Variants in CAST observed in about 807,000 individuals in gnomAD.
CAST encodes MIR583 host.
In CAST, 76 loss-of-function variants were observed where a neutral mutation model predicts 119.6. The ratio of observed to expected loss-of-function variants is 0.64; its 90% CI spans 0.53 to 0.77. CAST has a LOEUF of 0.77. Ranked by LOEUF, CAST falls within the 30% of genes least tolerant of loss-of-function variation. CAST has a pLI of 0.00. For missense variants in CAST, 953 were observed against 946.5 expected, an observed-to-expected ratio of 1.01 and a Z score of -0.09; for synonymous variants, 319 against 331.6, an observed-to-expected ratio of 0.96 and a Z score of 0.41.
chr5:96,078,438 G>A, the CAST span, among the ~76,000 whole-genome samples: 3 of 151,078 alleles, frequency 2.0e-5, no homozygotes, highest in African/African-American at 4.9e-5. Context: ...TTGTTGCCCA[G>A]CCTGGAGTGC....
At chr5:96,554,586 A>G (rs1308885899) in intron 1 of CAST, among the ~76,000 whole-genome samples, 2 of 152,246 alleles carry the variant, frequency 1.3e-5, no homozygotes, top group East Asian at 3.8e-4. Context: ...GCTTCTGCAC[A>G]GCAAAAGAAA....
the CAST span, among the ~76,000 whole-genome samples, chr5:96,210,711 C>T: frequency 6.6e-6 from 1 of 152,004 alleles, no homozygotes; most frequent in Non-Finnish European, 1.5e-5. Context: ...CCCATATCTA[C>T]AGAAATTCTG....
chr5:96,690,223 AATTT>A (rs1461884587), intron 2 of CAST, among the ~76,000 whole-genome samples: 3 of 151,756 alleles, frequency 2.0e-5, no homozygotes, highest in East Asian at 1.9e-4. Flanking sequence ...TCAGTATGTG[AATTT>A]ATTTATTTAT....
At chr5:96,614,912 T>G (rs548558192) in intron 1 of CAST, among the ~76,000 whole-genome samples, 1 of 136,786 alleles carries the variant, frequency 7.3e-6, no homozygotes, top group South Asian at 2.1e-4. Flanking sequence ...ATTTGGGCAC[T>G]GGGGAGGCCC....
chr5:96,103,454 G>A, the CAST span, among the ~76,000 whole-genome samples: 1 of 149,606 alleles, frequency 6.7e-6, no homozygotes, highest in Non-Finnish European at 1.5e-5. Flanking sequence ...GTGGTGTTTG[G>A]TTTTTTTGTT....
chr5:96,309,446 T>C, the CAST span, among the ~76,000 whole-genome samples: 1 of 152,220 alleles, frequency 6.6e-6, no homozygotes, highest in African/African-American at 2.4e-5. Flanking sequence ...TCAGCCCTCT[T>C]TCCAGGGGAG....
At chr5:96,650,224 C>G (rs1014194883) in intron 1 of CAST, among the ~76,000 whole-genome samples, 2 of 152,092 alleles carry the variant, frequency 1.3e-5, no homozygotes, top group African/African-American at 4.8e-5. Flanking sequence ...ACTAGAAGTA[C>G]GAGGGATGAG....
the CAST span, among the ~76,000 whole-genome samples, chr5:96,099,823 G>A: frequency 6.6e-6 from 1 of 152,176 alleles, no homozygotes; most frequent in Admixed American, 6.6e-5. Context: ...TTGGTATCAG[G>A]ATGATAATGC....
At chr5:96,308,786 G>A in the CAST span, 990 of 152,768 alleles carry the variant, frequency 6.5e-3, 16 homozygotes, top group East Asian at 0.062. Context: ...ACTAGCGGAC[G>A]CTGCAAAACA....
At chr5:96,208,996 TG>T in the CAST span, among the ~76,000 whole-genome samples, 1 of 152,132 alleles carries the variant, frequency 6.6e-6, no homozygotes, top group Non-Finnish European at 1.5e-5. Flanking sequence ...TTTATGAATC[TG>T]GGTGCTCCTG....
chr5:96,034,704 C>T, the CAST span, among the ~76,000 whole-genome samples: 1 of 151,634 alleles, frequency 6.6e-6, no homozygotes. Context: ...TACAATAGAT[C>T]TCTTCAACAT....
intron 9 of CAST, among the ~76,000 whole-genome samples, chr5:96,735,490 T>C (rs13362120): frequency 0.25 from 38,511 of 152,194 alleles, 5,319 homozygotes; most frequent in Non-Finnish European, 0.32. Flanking sequence ...GGCAGAAATG[T>C]GCAGAGTGTA....
the CAST span, among the ~76,000 whole-genome samples, chr5:96,230,162 G>A: frequency 6.6e-6 from 1 of 152,136 alleles, no homozygotes; most frequent in Non-Finnish European, 1.5e-5. Flanking sequence ...CCTGCAGTAT[G>A]AGCACAGAGA....
the CAST span, among the ~76,000 whole-genome samples, chr5:96,089,066 CTT>C: frequency 0.025 from 2,979 of 117,654 alleles, 59 homozygotes; most frequent in African/African-American, 0.061. Flanking sequence ...CTCCAAAAAT[CTT>C]TTTTTTTTTT....
chr5:96,200,444 G>C, the CAST span, among the ~76,000 whole-genome samples: 1 of 152,112 alleles, frequency 6.6e-6, no homozygotes, highest in African/African-American at 2.4e-5. Flanking sequence ...ACTAGAGTAA[G>C]TTTCTAGATG....
At chr5:96,270,207 A>T in the CAST span, among the ~76,000 whole-genome samples, 1 of 152,100 alleles carries the variant, frequency 6.6e-6, no homozygotes, top group African/African-American at 2.4e-5. Flanking sequence ...TATGACAAAA[A>T]CCCCCAACAA....
At chr5:96,726,256 A>C (rs1476871070) in intron 4 of CAST, among the ~76,000 whole-genome samples, 1 of 152,206 alleles carries the variant, frequency 6.6e-6, no homozygotes, top group Non-Finnish European at 1.5e-5. Flanking sequence ...TTGCACAAGT[A>C]ATGTTTAGTT....
chr5:96,453,072 G>GA, the CAST span, among the ~76,000 whole-genome samples: 954 of 144,342 alleles, frequency 6.6e-3, 7 homozygotes, highest in Non-Finnish European at 8.6e-3. Context: ...CAGTTAAAAA[G>GA]AAAAAAAAAA....
rs922944056 is a variant in CAST, at chr5:96,767,689, A to C, written c.2175+207A>C. 5.3e-5 allele frequency among the ~76,000 whole-genome samples: 8 copies of C among 152,318 alleles called. No homozygotes were observed. The East Asian group carries it at 9.6e-4, about 18-fold the overall frequency. ...TAGGGTGGAAAACTGAGGCTCAGAG[A>C]ATGCTAAGCAACGTGTATTAAAGAG... On this transcript the variant is annotated intron_variant, in intron 28 of 31. Coordinates refer to ENST00000675179, the MANE Select transcript of CAST (RefSeq NM_001750.7).
Sources: gnomAD v4.1 joint callset for allele counts (sites outside exome capture counted in the v4.1 genomes callset) on GRCh38, gnomAD v4.1.1 for gene constraint, MANE v1.5 for transcripts, NCBI Gene and HGNC (gene_info 2026-07-23, HGNC 2026-07-21) for gene names.